Variants in KHDRBS2 observed in about 807,000 individuals in gnomAD.
The protein encoded by KHDRBS2 is KH RNA binding domain containing, signal transduction associated 2.
KHDRBS2 carries 26 observed loss-of-function variants against 44.3 expected under a neutral mutation model. That is an observed-to-expected ratio of 0.59 (90% confidence interval 0.43 to 0.81). The LOEUF is 0.81. KHDRBS2 is among the 40% of genes least tolerant of loss of function. The pLI is 0.00. For missense variants in KHDRBS2, 476 were observed against 433.1 expected, an observed-to-expected ratio of 1.10 and a Z score of -0.88; for synonymous variants, 194 against 151.1, an observed-to-expected ratio of 1.28 and a Z score of -2.08.
chr6:62,255,723 C>T (rs1305341327), intron 1 of KHDRBS2, among the ~76,000 whole-genome samples: 1 of 151,750 alleles, frequency 6.6e-6, no homozygotes, highest in Non-Finnish European at 1.5e-5. Flanking sequence ...CTGTTATATC[C>T]TGGTACTCCA....
At chr6:61,762,005 A>G (rs1200648035) in intron 6 of KHDRBS2, among the ~76,000 whole-genome samples, 1 of 152,202 alleles carries the variant, frequency 6.6e-6, no homozygotes, top group African/African-American at 2.4e-5. Context: ...AATAAGAATG[A>G]AAATTCTTGG....
intron 1 of KHDRBS2, among the ~76,000 whole-genome samples, chr6:62,240,670 G>A (rs9454717): frequency 1.3e-4 from 8 of 62,542 alleles, no homozygotes; most frequent in South Asian, 5.0e-4. Flanking sequence ...GTATGTGTGT[G>A]TGTATATATA....
At chr6:61,851,398 A>G (rs1445578756) in intron 6 of KHDRBS2, among the ~76,000 whole-genome samples, 2 of 152,106 alleles carry the variant, frequency 1.3e-5, no homozygotes, top group Non-Finnish European at 2.9e-5. Context: ...GTACCAAAAA[A>G]TTCATATGTT....
At chr6:62,193,868 C>T (rs1324556171) in intron 1 of KHDRBS2, among the ~76,000 whole-genome samples, 1 of 152,086 alleles carries the variant, frequency 6.6e-6, no homozygotes, top group Non-Finnish European at 1.5e-5. Flanking sequence ...TGTAAATTTG[C>T]TACCTTCTAT....
chr6:61,896,710 T>G (rs1353368656), intron 5 of KHDRBS2, among the ~76,000 whole-genome samples: 1 of 152,170 alleles, frequency 6.6e-6, no homozygotes, highest in African/African-American at 2.4e-5. Context: ...TATTTTCTGT[T>G]TAATTCTTTA....
chr6:61,581,390 G>A, the KHDRBS2 span, among the ~76,000 whole-genome samples: 1 of 151,800 alleles, frequency 6.6e-6, no homozygotes, highest in Non-Finnish European at 1.5e-5. Flanking sequence ...AATTAAAAAT[G>A]TTAAGCAATA....
chr6:62,133,212 A>G (rs925392394), intron 2 of KHDRBS2, among the ~76,000 whole-genome samples: 16 of 152,110 alleles, frequency 1.1e-4, no homozygotes, highest in African/African-American at 3.4e-4. Context: ...CCCCACCCAA[A>G]TCTCATCTTG....
intron 6 of KHDRBS2, among the ~76,000 whole-genome samples, chr6:61,843,490 G>A (rs527892272): frequency 5.2e-4 from 79 of 151,342 alleles, no homozygotes; most frequent in Non-Finnish European, 9.6e-4. Flanking sequence ...TCAGCCTCCC[G>A]AGTAGCTGGG....
intron 4 of KHDRBS2, among the ~76,000 whole-genome samples, chr6:61,911,848 T>C (rs1806108102): frequency 6.6e-6 from 1 of 152,044 alleles, no homozygotes; most frequent in Non-Finnish European, 1.5e-5. Flanking sequence ...TATCCTTTTA[T>C]TTGGCTTGCA....
At chr6:62,012,936 G>A (rs1342730167) in intron 3 of KHDRBS2, among the ~76,000 whole-genome samples, 1 of 152,132 alleles carries the variant, frequency 6.6e-6, no homozygotes, top group African/African-American at 2.4e-5. Context: ...TGTTTGTCTT[G>A]TTCAGGCAAT....
intron 2 of KHDRBS2, among the ~76,000 whole-genome samples, chr6:62,097,516 G>A (rs1221309153): frequency 6.6e-6 from 1 of 151,852 alleles, no homozygotes; most frequent in Non-Finnish European, 1.5e-5. Flanking sequence ...TATATTTAGA[G>A]TATATTTTAT....
chr6:61,722,777 T>G (rs1234355883), intron 7 of KHDRBS2, among the ~76,000 whole-genome samples: 1 of 151,958 alleles, frequency 6.6e-6, no homozygotes, highest in Non-Finnish European at 1.5e-5. Flanking sequence ...TGGCGCGATC[T>G]TGGCTCACTC....
At chr6:61,584,872 A>G in the KHDRBS2 span, among the ~76,000 whole-genome samples, 10 of 151,432 alleles carry the variant, frequency 6.6e-5, no homozygotes, top group African/African-American at 2.2e-4. Context: ...AAAAAATTTT[A>G]AAGCGTAATT....
the KHDRBS2 span, among the ~76,000 whole-genome samples, chr6:61,642,929 C>A: frequency 2.1e-3 from 324 of 152,154 alleles, 3 homozygotes; most frequent in African/African-American, 6.9e-3. Flanking sequence ...AAGGATAAAA[C>A]CATTGTGAAA....
At chr6:62,212,487 G>T (rs1055918343) in intron 1 of KHDRBS2, among the ~76,000 whole-genome samples, 1 of 151,936 alleles carries the variant, frequency 6.6e-6, no homozygotes, top group African/African-American at 2.4e-5. Context: ...AAGTACCTCA[G>T]AATATGACCT....
intron 8 of KHDRBS2, among the ~76,000 whole-genome samples, chr6:61,684,196 C>A (rs1329772737): frequency 6.6e-6 from 1 of 151,812 alleles, no homozygotes; most frequent in African/African-American, 2.4e-5. Flanking sequence ...AACCAATGAA[C>A]GTTTTTCCAG....
intron 7 of KHDRBS2, among the ~76,000 whole-genome samples, chr6:61,716,029 A>G (rs555589761): frequency 3.5e-5 from 5 of 142,930 alleles, no homozygotes; most frequent in Non-Finnish European, 7.4e-5. Context: ...CTGACAGGTA[A>G]AGACTATTAT....
At chr6:61,625,191 C>T in the KHDRBS2 span, among the ~76,000 whole-genome samples, 1 of 151,646 alleles carries the variant, frequency 6.6e-6, no homozygotes, top group African/African-American at 2.4e-5. Flanking sequence ...CTCAGGCTGA[C>T]CTATCAGGAA....
intron 6 of KHDRBS2, among the ~76,000 whole-genome samples, chr6:61,817,894 A>T (rs1362528667): frequency 6.6e-6 from 1 of 152,128 alleles, no homozygotes; most frequent in Non-Finnish European, 1.5e-5. Flanking sequence ...CATTGGTGAC[A>T]GGCCAGACTT....
Sources: gnomAD v4.1 joint callset for allele counts (sites outside exome capture counted in the v4.1 genomes callset) on GRCh38, gnomAD v4.1.1 for gene constraint, MANE v1.5 for transcripts, NCBI Gene and HGNC (gene_info 2026-07-23, HGNC 2026-07-21) for gene names.